Variants in ABCB1 observed in about 807,000 individuals in gnomAD.
ABCB1 encodes the protein ATP-dependent translocase ABCB1.
Under a neutral mutation model 142.0 loss-of-function variants are expected in ABCB1, and 69 were observed. That is an observed-to-expected ratio of 0.49 (90% CI 0.40 to 0.59). The LOEUF (loss-of-function observed/expected upper bound fraction) is 0.59, where lower values mean the gene tolerates loss of function less well. Among genes scored for constraint, ABCB1 ranks in the 20% least tolerant of loss-of-function variants. ABCB1 has a pLI of 0.00. For missense variants in ABCB1, 1,326 were observed against 1,554.7 expected, an observed-to-expected ratio of 0.85 and a Z score of 2.47; for synonymous variants, 532 against 539.2, an observed-to-expected ratio of 0.99 and a Z score of 0.18.
At chr7:87,660,861 G>A (rs1824632162) in intron 1 of ABCB1, among the ~76,000 whole-genome samples, 1 of 151,794 alleles carries the variant, frequency 6.6e-6, no homozygotes, top group Non-Finnish European at 1.5e-5. Flanking sequence ...CTGAAAATAG[G>A]AGATTTTACC....
At chr7:87,672,239 A>T (rs1261934319) in intron 1 of ABCB1, among the ~76,000 whole-genome samples, 1 of 152,206 alleles carries the variant, frequency 6.6e-6, no homozygotes, top group Non-Finnish European at 1.5e-5. Flanking sequence ...AGGATCAGGT[A>T]CCTGCTTAAA....
At chr7:87,526,361 C>A in intron 21 of ABCB1, among the ~76,000 whole-genome samples, 1 of 151,812 alleles carries the variant, frequency 6.6e-6, no homozygotes, top group Non-Finnish European at 1.5e-5. Context: ...TGTAGAGTAC[C>A]ATGTGCTTTG....
chr7:87,677,139 A>G (rs182815156), intron 1 of ABCB1, among the ~76,000 whole-genome samples: 10 of 152,302 alleles, frequency 6.6e-5, no homozygotes, highest in African/African-American at 2.4e-4. Context: ...ATTTATTGAA[A>G]GAAGATAAAA....
chr7:87,630,775 G>A (rs944296810), intron 1 of ABCB1, among the ~76,000 whole-genome samples: 10 of 150,744 alleles, frequency 6.6e-5, no homozygotes, highest in Non-Finnish European at 1.2e-4. Context: ...GATGGGTACT[G>A]TTCCTTTTGC....
chr7:87,590,715 G>C (rs1429086870), intron 3 of ABCB1, among the ~76,000 whole-genome samples: 1 of 152,250 alleles, frequency 6.6e-6, no homozygotes, highest in Non-Finnish European at 1.5e-5. Flanking sequence ...AGTAAAGTCA[G>C]AAATAACAGA....
intron 1 of ABCB1, among the ~76,000 whole-genome samples, chr7:87,698,460 T>A (rs1828704950): frequency 6.6e-6 from 1 of 152,254 alleles, no homozygotes. Flanking sequence ...TAGATGCATT[T>A]GTTTTTATTT....
chr7:87,627,092 TA>T (rs750491183), intron 1 of ABCB1, among the ~76,000 whole-genome samples: 42 of 152,128 alleles, frequency 2.8e-4, no homozygotes, highest in Non-Finnish European at 4.7e-4. Context: ...TTTATTCTAC[TA>T]AACAGAATAG....
intron 1 of ABCB1, among the ~76,000 whole-genome samples, chr7:87,635,149 A>G (rs1821633141): frequency 6.6e-6 from 1 of 152,172 alleles, no homozygotes; most frequent in African/African-American, 2.4e-5. Context: ...CCACTCTTCT[A>G]TTCCCTCTTA....
intron 1 of ABCB1, among the ~76,000 whole-genome samples, chr7:87,638,345 T>TTG (rs71524692): frequency 0.53 from 76,257 of 144,582 alleles, 19,911 homozygotes; most frequent in East Asian, 0.79. Context: ...AAGTATGTGT[T>TTG]TGTGTGTGTG....
chr7:87,626,086 A>G (rs1422502151), intron 1 of ABCB1, among the ~76,000 whole-genome samples: 1 of 119,638 alleles, frequency 8.4e-6, no homozygotes, highest in Non-Finnish European at 1.6e-5. Context: ...ACATATATAT[A>G]TATATATATA....
At chr7:87,646,969 T>C (rs1823070285) in intron 1 of ABCB1, among the ~76,000 whole-genome samples, 1 of 152,206 alleles carries the variant, frequency 6.6e-6, no homozygotes, top group Non-Finnish European at 1.5e-5. Context: ...ATTTATTCCA[T>C]TGAGCTCCAG....
At chr7:87,708,389 A>T (rs1170375262) in intron 1 of ABCB1, among the ~76,000 whole-genome samples, 1 of 152,144 alleles carries the variant, frequency 6.6e-6, no homozygotes, top group Non-Finnish European at 1.5e-5. Context: ...TAAATTTGAA[A>T]ATTTAGAAGA....
chr7:87,600,270 T>C (rs1181596359), intron 1 of ABCB1, 80 bp from the exon 2 acceptor site: 1 of 1,217,394 alleles, frequency 8.2e-7, no homozygotes, highest in African/African-American at 1.5e-5. Context: ...TAGTCCCCCG[T>C]CGAAGCCAGA....
chr7:87,576,023 G>T (rs142130594), intron 4 of ABCB1, among the ~76,000 whole-genome samples: 1 of 152,260 alleles, frequency 6.6e-6, no homozygotes, highest in African/African-American at 2.4e-5. Flanking sequence ...GGGCATGTAT[G>T]TCTATAAATT....
chr7:87,583,259 T>C (rs1287611586), intron 4 of ABCB1, among the ~76,000 whole-genome samples: 3 of 152,184 alleles, frequency 2.0e-5, no homozygotes, highest in African/African-American at 7.2e-5. Context: ...AGAAGTAGGT[T>C]CTATTGTTAT....
At chr7:87,628,484 C>T (rs1445120234) in intron 1 of ABCB1, 1 of 200,574 alleles carries the variant, frequency 5.0e-6, no homozygotes, top group East Asian at 1.1e-4. Context: ...CGCGCGCCGT[C>T]TGCTGAGGTC....
At chr7:87,662,169 AG>A (rs142999199) in intron 1 of ABCB1, among the ~76,000 whole-genome samples, 7,317 of 152,176 alleles carry the variant, frequency 0.048, 257 homozygotes, top group East Asian at 0.089. Flanking sequence ...TCAGATGAGT[AG>A]TCTGCAAATA....
At chr7:87,581,043 T>A (rs1818484364) in intron 4 of ABCB1, among the ~76,000 whole-genome samples, 1 of 151,792 alleles carries the variant, frequency 6.6e-6, no homozygotes, top group Admixed American at 6.6e-5. Flanking sequence ...CCTGTAGGGA[T>A]GGGGGAGGGG....
At chr7:87,613,435 T>A (rs1819928650) in intron 1 of ABCB1, among the ~76,000 whole-genome samples, 1 of 152,004 alleles carries the variant, frequency 6.6e-6, no homozygotes, top group African/African-American at 2.4e-5. Flanking sequence ...GCAGTGCTAT[T>A]CACAATAACA....
Sources: allele counts gnomAD v4.1 joint callset (sites outside exome capture counted in the v4.1 genomes callset), GRCh38; gene constraint gnomAD v4.1.1; transcripts MANE v1.5; gene names NCBI Gene and HGNC (gene_info 2026-07-23, HGNC 2026-07-21).